UBE2W: variants seen among roughly 807,000 people sequenced by gnomAD.
The protein encoded by UBE2W is ubiquitin conjugating enzyme E2 W, also known as ubiquitin-conjugating enzyme E2 W.
A neutral mutation model predicts 27.2 loss-of-function variants in UBE2W; 18 were observed. The observed-to-expected ratio is 0.66, with a 90% confidence interval of 0.46 to 0.98. The LOEUF is 0.98. Ranked by LOEUF, UBE2W falls within the 50% of genes least tolerant of loss-of-function variation. The pLI is 0.00. For synonymous variants in UBE2W, 53 were observed against 57.2 expected, an observed-to-expected ratio of 0.93 and a Z score of 0.33; for missense variants, 90 against 180.2, an observed-to-expected ratio of 0.50 and a Z score of 2.87.
At chr8:73,866,158 CTA>C (rs1012335290) in intron 1 of UBE2W, among the ~76,000 whole-genome samples, 1 of 150,668 alleles carries the variant, frequency 6.6e-6, no homozygotes, top group African/African-American at 2.4e-5. Flanking sequence ...GTAATCCCAG[CTA>C]TTCGGGAGGC....
intron 2 of UBE2W, among the ~76,000 whole-genome samples, chr8:73,827,484 G>T (rs949361946): frequency 6.6e-6 from 1 of 152,106 alleles, no homozygotes; most frequent in African/African-American, 2.4e-5. Flanking sequence ...AAAGTGCTGG[G>T]ATTACAGGTG....
intron 1 of UBE2W, among the ~76,000 whole-genome samples, chr8:73,847,880 C>G (rs574260319): frequency 6.7e-6 from 1 of 148,468 alleles, no homozygotes; most frequent in East Asian, 2.0e-4. Flanking sequence ...CCAGCCTAGG[C>G]AACAAGAGTG....
intron 1 of UBE2W, chr8:73,831,737 T>C (rs994975639): frequency 7.2e-5 from 11 of 152,054 alleles, no homozygotes; most frequent in African/African-American, 2.4e-4. Flanking sequence ...AATTTTTTTT[T>C]TGTAGAGACA....
chr8:73,865,517 TG>T (rs1329317153), intron 1 of UBE2W, among the ~76,000 whole-genome samples: 1 of 152,082 alleles, frequency 6.6e-6, no homozygotes, highest in African/African-American at 2.4e-5. Context: ...CAGGCTGAGG[TG>T]GGAGAATCGC....
chr8:73,805,481 C>T (rs1442742426), intron 5 of UBE2W, among the ~76,000 whole-genome samples, 170 bp downstream of exon 5: 1 of 17,916 alleles, frequency 5.6e-5, no homozygotes, highest in Non-Finnish European at 1.7e-4. Context: ...ACAAAAAAAA[C>T]TAGGGTAATT....
chr8:73,788,464 T>C lies in UBE2W; in HGVS notation c.*5638A>G. On this transcript the variant is annotated 3_prime_UTR_variant, in exon 6 of 6. Coordinates refer to ENST00000602593, the MANE Select transcript of UBE2W (RefSeq NM_018299.6). ...GAACATGCATTTAGTTTTTGGCTAC[T>C]AATCAACCCAATAATCCATTTTACC... 1.0e-6 allele frequency: 1 copy of C among 985,448 alleles called. No homozygotes were observed. 61.0% of individuals were successfully genotyped at this position (985,448 alleles called of 1,614,324 possible). A position where few individuals can be genotyped will look rare whatever the true frequency, so the allele number is the denominator to read the frequency against.
At chr8:73,840,890 G>T (rs1043913630) in intron 1 of UBE2W, among the ~76,000 whole-genome samples, 4 of 152,166 alleles carry the variant, frequency 2.6e-5, no homozygotes, top group Admixed American at 2.6e-4. Flanking sequence ...TTAAGGGGAT[G>T]GGGGAGGTAT....
chr8:73,790,323 G>A lies in UBE2W; in HGVS notation c.*3779C>T. On this transcript the variant is annotated 3_prime_UTR_variant, in exon 6 of 6. Transcript: ENST00000602593. ...AAAACAATTTAAAAAGGACTACAAA[G>A]AGGATTGGGGCCAGTTGGTGCAGAT... 1 of 985,380 alleles carries A rather than the reference G, an allele frequency of 1.0e-6. No individual in the cohort carries two copies. Among genetic ancestry groups the A allele is most frequent in the Non-Finnish European group, 1.2e-6 (1 of 829,918 alleles). The allele number at this position is 985,380 out of a possible 1,614,324, so 61.0% of individuals were successfully genotyped here.
At chr8:73,839,648 C>G (rs1810456066) in intron 1 of UBE2W, among the ~76,000 whole-genome samples, 1 of 150,730 alleles carries the variant, frequency 6.6e-6, no homozygotes, top group Admixed American at 6.6e-5. Context: ...CAGCACAAGA[C>G]TCCATCTCAA....
At chr8:73,808,301 T>C (rs1809006672) in intron 4 of UBE2W, among the ~76,000 whole-genome samples, 1 of 152,218 alleles carries the variant, frequency 6.6e-6, no homozygotes, top group African/African-American at 2.4e-5. Context: ...AGTGGCGTGA[T>C]ATCAGCTTAC....
intron 1 of UBE2W, among the ~76,000 whole-genome samples, chr8:73,868,426 C>A (rs535847597): frequency 3.3e-5 from 5 of 152,202 alleles, no homozygotes; most frequent in Non-Finnish European, 7.3e-5. Flanking sequence ...CAATTGTATC[C>A]TTTAAAATAT....
intron 1 of UBE2W, among the ~76,000 whole-genome samples, chr8:73,838,289 C>G (rs1395826942): frequency 6.6e-6 from 1 of 152,048 alleles, no homozygotes; most frequent in Non-Finnish European, 1.5e-5. Flanking sequence ...TTTTTCCCCC[C>G]GGTAAGAAAA....
At position 73,791,446 on chromosome 8, in the gene UBE2W, T is replaced by C. The variant is rs765497390; in HGVS notation, c.*2656A>G. 3.1e-5 allele frequency: 31 copies of C among 985,146 alleles called. No homozygotes were observed. Among genetic ancestry groups the C allele is most frequent in the Non-Finnish European group, 3.7e-5 (31 of 829,826 alleles). 61.0% of individuals were successfully genotyped at this position (985,146 alleles called of 1,614,324 possible). ...TTCTAAGTATGAAAGTCTAATTCTG[T>C]AGGCCTATGTCGCAAATAGTGCCCC... On this transcript the variant is annotated 3_prime_UTR_variant, in exon 6 of 6. Coordinates refer to ENST00000602593, the MANE Select transcript of UBE2W (RefSeq NM_018299.6).
chr8:73,842,085 CTG>C lies in UBE2W; in HGVS notation c.16-11615_16-11614del, dbSNP rs1447460940. Among the ~76,000 whole-genome samples, 5 of 152,290 alleles carry C rather than the reference CTG, an allele frequency of 3.3e-5. No individual in the cohort carries two copies. In the South Asian group the frequency reaches 1.0e-3, roughly 32 times the overall value. On this transcript the variant is annotated intron_variant, in intron 1 of 5. Transcript: ENST00000602593. ...TATAAATCCTGGAGAAATCCAAGTT[CTG>C]TCCTTTGAGGCAACAATTTCACTGC...
chr8:73,829,604 C>T (rs1179110872), intron 2 of UBE2W, among the ~76,000 whole-genome samples: 1 of 150,548 alleles, frequency 6.6e-6, no homozygotes, highest in Non-Finnish European at 1.5e-5. Context: ...AGAGTCTATA[C>T]ATCCATTCGT....
At chr8:73,807,423 C>T (rs1808958391) in intron 4 of UBE2W, among the ~76,000 whole-genome samples, 1 of 152,152 alleles carries the variant, frequency 6.6e-6, no homozygotes, top group Admixed American at 6.5e-5. Flanking sequence ...CCATTTGGCA[C>T]TTCTAAAACT....
intron 1 of UBE2W, among the ~76,000 whole-genome samples, chr8:73,875,003 C>A (rs896925106): frequency 6.6e-6 from 1 of 152,220 alleles, no homozygotes; most frequent in African/African-American, 2.4e-5. Flanking sequence ...AGCGCCACTG[C>A]ACTCCAGCCT....
At chr8:73,828,034 C>T (rs1408261116) in intron 2 of UBE2W, among the ~76,000 whole-genome samples, 1 of 152,122 alleles carries the variant, frequency 6.6e-6, no homozygotes, top group East Asian at 1.9e-4. Flanking sequence ...GCATTTTGTG[C>T]ACACTTAAAT....
At chr8:73,812,774 G>A in intron 3 of UBE2W, among the ~76,000 whole-genome samples, 2 of 151,984 alleles carry the variant, frequency 1.3e-5, no homozygotes, top group East Asian at 3.9e-4. Flanking sequence ...AGGCCGAGGT[G>A]GGTGGATCAC....
Sources: gnomAD v4.1 joint callset for allele counts (sites outside exome capture counted in the v4.1 genomes callset) on GRCh38, gnomAD v4.1.1 for gene constraint, MANE v1.5 for transcripts, NCBI Gene and HGNC (gene_info 2026-07-23, HGNC 2026-07-21) for gene names.